The following SUSD1 variants were observed in gnomAD, a reference collection of about 807,000 sequenced individuals.
SUSD1 encodes sushi domain containing 1.
A neutral mutation model predicts 86.9 loss-of-function variants in SUSD1; 65 were observed. The observed-to-expected ratio is 0.75, with a 90% CI of 0.61 to 0.92. The LOEUF (loss-of-function observed/expected upper bound fraction) is 0.92, where lower values mean the gene tolerates loss of function less well. SUSD1 is among the 40% of genes least tolerant of loss of function. The pLI is 0.00. For synonymous variants in SUSD1, 346 were observed against 350.0 expected, an observed-to-expected ratio of 0.99 and a Z score of 0.13; for missense variants, 850 against 929.7, an observed-to-expected ratio of 0.91 and a Z score of 1.11.
intron 9 of SUSD1, among the ~76,000 whole-genome samples, chr9:112,100,328 A>T (rs1014023000): frequency 6.6e-6 from 1 of 152,068 alleles, no homozygotes; most frequent in Non-Finnish European, 1.5e-5. Flanking sequence ...CTGGGACTAC[A>T]GGTGCCCGCC....
chr9:112,118,571 G>A (rs1010263564), intron 6 of SUSD1, among the ~76,000 whole-genome samples: 2 of 152,102 alleles, frequency 1.3e-5, no homozygotes, highest in African/African-American at 2.4e-5. Context: ...TGCAACCTCC[G>A]CCTCCTGAGT....
intron 6 of SUSD1, among the ~76,000 whole-genome samples, chr9:112,115,820 A>G (rs1050558798): frequency 1.5e-4 from 3 of 19,728 alleles, no homozygotes; most frequent in African/African-American, 4.5e-4. Flanking sequence ...AAAAAAAAAA[A>G]AAAGAAAAAA....
At chr9:112,075,795 T>C (rs1829490057) in intron 12 of SUSD1, among the ~76,000 whole-genome samples, 1 of 152,102 alleles carries the variant, frequency 6.6e-6, no homozygotes, top group African/African-American at 2.4e-5. Context: ...TATGAAGAAA[T>C]TGAAGCAGGG....
chr9:112,152,846 C>T (rs1386369622), intron 2 of SUSD1, among the ~76,000 whole-genome samples: 1 of 148,464 alleles, frequency 6.7e-6, no homozygotes, highest in Non-Finnish European at 1.5e-5. Context: ...CCTCAACCTC[C>T]TCGGCTCAAG....
chr9:112,173,828 C>G (rs1350784182), intron 1 of SUSD1: 1 of 272,806 alleles, frequency 3.7e-6, no homozygotes, highest in Non-Finnish European at 7.5e-6. Context: ...TCTTATTGTG[C>G]TTCTTGGCAA....
chr9:112,161,940 C>T (rs1287091747), intron 1 of SUSD1, among the ~76,000 whole-genome samples: 1 of 151,864 alleles, frequency 6.6e-6, no homozygotes, highest in African/African-American at 2.4e-5. Flanking sequence ...CAACAATATA[C>T]AACTTGCCTC....
chr9:112,167,751 T>C (rs1833883601), intron 1 of SUSD1, among the ~76,000 whole-genome samples: 1 of 152,154 alleles, frequency 6.6e-6, no homozygotes, highest in Non-Finnish European at 1.5e-5. Context: ...CAAAAGTAAA[T>C]GAGTGTATAT....
At chr9:112,102,022 AC>A (rs1416548169) in intron 9 of SUSD1, among the ~76,000 whole-genome samples, 153 bp downstream of exon 9, 1 of 152,218 alleles carries the variant, frequency 6.6e-6, no homozygotes, top group African/African-American at 2.4e-5. Flanking sequence ...CCTCATTTAC[AC>A]CCATCTCACA....
At chr9:112,121,384 A>G (rs1831547770) in intron 6 of SUSD1, among the ~76,000 whole-genome samples, 1 of 152,210 alleles carries the variant, frequency 6.6e-6, no homozygotes, top group African/African-American at 2.4e-5. Context: ...TCAGAGGTCC[A>G]GGAACACCTT....
intron 5 of SUSD1, among the ~76,000 whole-genome samples, chr9:112,137,079 T>G (rs1026054235): frequency 2.6e-5 from 4 of 152,184 alleles, no homozygotes; most frequent in African/African-American, 9.7e-5. Flanking sequence ...GTAAGTCACT[T>G]CCTTATCCTG....
intron 8 of SUSD1, 114 bp from the exon 9 acceptor site, chr9:112,102,399 G>A (rs1830669383): frequency 2.1e-6 from 1 of 478,180 alleles, no homozygotes; most frequent in African/African-American, 2.0e-5. Context: ...GTGTTTAACA[G>A]GAATAATATT....
Position 112,095,813 on chromosome 9 carries a change from A to C in SUSD1, c.1474+2657T>G, listed in dbSNP as rs928460577. The stretch of plus-strand genomic sequence containing the variant: ...TGCATTTCACTTGAAGAGTTTCCTA[A>C]GATAAATGTGGGGTGTCCTGCCCAG... On this transcript the variant is annotated intron_variant, in intron 10 of 16. Transcript: ENST00000374270. Among the ~76,000 whole-genome samples, 75 of 152,352 alleles carry C rather than the reference A, an allele frequency of 4.9e-4. 1 individual carries two copies. The highest frequency in any genetic ancestry group is 3.4e-3 in the Middle Eastern group (1 of 294).
rs1007352466 is a variant in SUSD1, at chr9:112,086,822, A to AAAAC, written c.1475-6661_1475-6658dup. 5.2e-3 allele frequency among the ~76,000 whole-genome samples: 768 copies of AAAAC among 148,778 alleles called. 20 individuals carry two copies. The highest frequency in any genetic ancestry group is 1.3e-3 in the Non-Finnish European group (86 of 67,936). ...TACATGATTCATGCCCAGTCTTATC[A>AAAAC]AAACAAACAAACAAACAAACAAAAA... On this transcript the variant is annotated intron_variant, in intron 10 of 16. Transcript: ENST00000374270.
intron 6 of SUSD1, among the ~76,000 whole-genome samples, chr9:112,116,716 A>G (rs1416851106): frequency 6.6e-6 from 1 of 152,250 alleles, no homozygotes; most frequent in Non-Finnish European, 1.5e-5. Context: ...GAATGGCCCA[A>G]TGGCAGAACA....
intron 3 of SUSD1, among the ~76,000 whole-genome samples, chr9:112,147,501 T>C (rs759937201): frequency 2.1e-5 from 3 of 142,896 alleles, no homozygotes; most frequent in Non-Finnish European, 3.1e-5. Flanking sequence ...TGGGTCACAG[T>C]GGCTCACGCC....
intron 12 of SUSD1, among the ~76,000 whole-genome samples, chr9:112,064,014 C>T (rs745557394): frequency 5.6e-5 from 7 of 125,980 alleles, no homozygotes; most frequent in Admixed American, 1.0e-4. Flanking sequence ...CATGTAGCCC[C>T]ATCCTTATTT....
intron 6 of SUSD1, 65 bp downstream of exon 6, chr9:112,124,192 T>C: frequency 6.6e-7 from 1 of 1,510,196 alleles, no homozygotes. Flanking sequence ...CAGATAGTTT[T>C]AGGCCCTCGG....
At chr9:112,077,381 G>A (rs1426119397) in intron 12 of SUSD1, among the ~76,000 whole-genome samples, 1 of 151,966 alleles carries the variant, frequency 6.6e-6, no homozygotes, top group Non-Finnish European at 1.5e-5. Flanking sequence ...TATTTGCTCA[G>A]AGCATGTGTG....
intron 5 of SUSD1, among the ~76,000 whole-genome samples, chr9:112,140,134 G>A (rs1228973925): frequency 3.2e-5 from 3 of 93,812 alleles, no homozygotes; most frequent in African/African-American, 6.7e-5. Context: ...AGGCCGAGGC[G>A]GGTGGATCAT....
Sources: gnomAD v4.1 joint callset for allele counts (sites outside exome capture counted in the v4.1 genomes callset) on GRCh38, gnomAD v4.1.1 for gene constraint, MANE v1.5 for transcripts, NCBI Gene and HGNC (gene_info 2026-07-23, HGNC 2026-07-21) for gene names.